The following CDH4 variants were observed in gnomAD, a reference collection of about 807,000 sequenced individuals.
The protein encoded by CDH4 is cadherin-4.
A neutral mutation model predicts 86.0 loss-of-function variants in CDH4; 33 were observed. The observed-to-expected ratio is 0.38, with a 90% CI of 0.29 to 0.51. CDH4 has a LOEUF of 0.51. CDH4 is among the 20% of genes least tolerant of loss of function. CDH4 has a pLI of 0.86. For missense variants in CDH4, 1,114 were observed against 1,307.4 expected (o/e 0.85, Z 2.28); for synonymous variants, 555 against 549.4 (o/e 1.01, Z -0.14).
At chr20:61,459,809 G>A (rs891974229) in intron 2 of CDH4, among the ~76,000 whole-genome samples, 8 of 152,022 alleles carry the variant, frequency 5.3e-5, no homozygotes, top group Middle Eastern at 3.4e-3. Flanking sequence ...TGAGCGCTTC[G>A]CAGCCCGAGT....
At chr20:61,790,825 C>T (rs574870221) in intron 4 of CDH4, among the ~76,000 whole-genome samples, 4 of 151,224 alleles carry the variant, frequency 2.6e-5, no homozygotes, top group South Asian at 4.2e-4. Context: ...TCCACCCACC[C>T]ACCCACCATC....
At chr20:61,782,204 G>T (rs1021850703) in intron 4 of CDH4, among the ~76,000 whole-genome samples, 1 of 152,184 alleles carries the variant, frequency 6.6e-6, no homozygotes, top group African/African-American at 2.4e-5. Context: ...AGCTACTCAG[G>T]AGGCTGAGGT....
At chr20:61,598,831 G>A (rs1051502992) in intron 2 of CDH4, among the ~76,000 whole-genome samples, 11 of 152,298 alleles carry the variant, frequency 7.2e-5, no homozygotes, top group South Asian at 6.2e-4. Flanking sequence ...CGGAGTACCC[G>A]AGGCCCCTTC....
intron 14 of CDH4, among the ~76,000 whole-genome samples, chr20:61,933,438 C>T (rs996403012): frequency 6.6e-5 from 10 of 152,318 alleles, no homozygotes; most frequent in East Asian, 1.9e-4. Context: ...TGCCCACTCG[C>T]GGATGCTGCT....
At chr20:61,627,521 A>G (rs2086839951) in intron 2 of CDH4, among the ~76,000 whole-genome samples, 1 of 152,194 alleles carries the variant, frequency 6.6e-6, no homozygotes, top group South Asian at 2.1e-4. Flanking sequence ...GTCACCAGAC[A>G]TCGCCAAGTG....
At chr20:61,291,649 G>A (rs576093290) in intron 2 of CDH4, among the ~76,000 whole-genome samples, 252 of 151,340 alleles carry the variant, frequency 1.7e-3, no homozygotes, top group African/African-American at 4.9e-3. Context: ...CCAAACATGC[G>A]GGCACCCGCG....
At position 61,578,717 on chromosome 20, in the gene CDH4, C is replaced by T. The variant is rs977485409; in HGVS notation, c.170-164846C>T. 2.6e-5 allele frequency among the ~76,000 whole-genome samples: 4 copies of T among 152,182 alleles called. No homozygotes were observed. In the South Asian group the frequency reaches 8.3e-4, roughly 31 times the overall value. On this transcript the variant is annotated intron_variant, in intron 2 of 15. Coordinates refer to ENST00000614565, the MANE Select transcript of CDH4 (RefSeq NM_001794.5). ...CATGGAAAGTCTGGGCTGTGAGTGA[C>T]ACCAAACAAAACCCCCAATCCAACT...
At chr20:61,732,536 C>T (rs1256267465) in intron 2 of CDH4, among the ~76,000 whole-genome samples, 5 of 152,204 alleles carry the variant, frequency 3.3e-5, no homozygotes, top group Non-Finnish European at 7.3e-5. Context: ...TGTCTGTTCC[C>T]TCTGCGGGGA....
chr20:61,270,699 T>C (rs995027464), intron 2 of CDH4, among the ~76,000 whole-genome samples: 1 of 152,230 alleles, frequency 6.6e-6, no homozygotes, highest in Non-Finnish European at 1.5e-5. Context: ...TAAAATGTCA[T>C]GCTGCCAAAA....
chr20:61,538,897 AG>A (rs1213370664), intron 2 of CDH4, among the ~76,000 whole-genome samples: 1 of 152,178 alleles, frequency 6.6e-6, no homozygotes, highest in Admixed American at 6.5e-5. Flanking sequence ...ATGTTTGTGC[AG>A]GGGGTGGGGA....
intron 4 of CDH4, among the ~76,000 whole-genome samples, chr20:61,803,905 C>T (rs987232212): frequency 6.6e-6 from 1 of 152,254 alleles, no homozygotes; most frequent in Non-Finnish European, 1.5e-5. Context: ...GTGAGGCCGG[C>T]CCCCGCTGCG....
At position 61,708,274 on chromosome 20, in the gene CDH4, C is replaced by T. The variant is rs969897740; in HGVS notation, c.170-35289C>T. Among the ~76,000 whole-genome samples, 1 of 152,116 alleles carries T rather than the reference C, an allele frequency of 6.6e-6. No individual in the cohort carries two copies. The highest frequency in any genetic ancestry group is 2.4e-5 in the African/African-American group (1 of 41,426). On this transcript the variant is annotated intron_variant, in intron 2 of 15. Transcript: ENST00000614565. This position sits in a 1 kb window ranked among gnomAD's most constrained non-coding sequence, Gnocchi z 4.5. ...CAGGGGGTTGACTTTTACCCCGAAC[C>T]AGATGTACCAAGCACCCCGCTGACT...
intron 2 of CDH4, among the ~76,000 whole-genome samples, chr20:61,329,841 TC>T (rs1375969082): frequency 3.7e-5 from 3 of 81,136 alleles, no homozygotes; most frequent in Non-Finnish European, 5.0e-5. Context: ...ATGTTCTCCC[TC>T]CCCCCCACCC....
intron 2 of CDH4, among the ~76,000 whole-genome samples, chr20:61,313,120 A>G (rs1444007409): frequency 3.3e-5 from 5 of 152,148 alleles, no homozygotes; most frequent in Non-Finnish European, 7.3e-5. Context: ...CTCCAACGTG[A>G]CTGTGCTATG....
chr20:61,924,621 T>C, intron 11 of CDH4, 145 bp downstream of exon 11: 1 of 852,262 alleles, frequency 1.2e-6, no homozygotes, highest in East Asian at 2.7e-5. Context: ...GGGGCATCTG[T>C]GCAGACACCG....
chr20:61,828,571 A>G (rs1378505597), intron 4 of CDH4, among the ~76,000 whole-genome samples: 3 of 152,138 alleles, frequency 2.0e-5, no homozygotes, highest in Non-Finnish European at 2.9e-5. Context: ...TTCGGAATCG[A>G]CTTCTTGCTC....
At chr20:61,880,561 C>T (rs1218327367) in intron 7 of CDH4, among the ~76,000 whole-genome samples, 2 of 152,186 alleles carry the variant, frequency 1.3e-5, no homozygotes, top group African/African-American at 4.8e-5. Context: ...GCTTCCACCT[C>T]CCTCCGAAAC....
intron 2 of CDH4, among the ~76,000 whole-genome samples, chr20:61,559,045 G>A (rs188264132): frequency 1.5e-3 from 225 of 152,326 alleles, no homozygotes; most frequent in African/African-American, 4.5e-3. Context: ...TGGGCCGGGC[G>A]CAGTGGCTCA....
intron 8 of CDH4, among the ~76,000 whole-genome samples, chr20:61,901,333 G>A (rs1229561837): frequency 5.9e-5 from 9 of 152,204 alleles, no homozygotes; most frequent in Admixed American, 2.0e-4. Flanking sequence ...AGCAGAAATC[G>A]TCACTGTTTT....
Sources: allele counts gnomAD v4.1 joint callset (sites outside exome capture counted in the v4.1 genomes callset), GRCh38; gene constraint gnomAD v4.1.1; non-coding constraint Gnocchi (gnomAD v3.1); transcripts MANE v1.5; gene names NCBI Gene and HGNC (gene_info 2026-07-23, HGNC 2026-07-21).